The following MLYCD variants were observed in gnomAD, a reference collection of about 807,000 sequenced individuals.
MLYCD encodes malonyl-CoA decarboxylase.
In MLYCD, 27 loss-of-function variants were observed where a neutral mutation model predicts 35.8. The ratio of observed to expected loss-of-function variants is 0.75; its 90% CI spans 0.56 to 1.04. MLYCD has a LOEUF of 1.04. Ranked by LOEUF, MLYCD falls within the 50% of genes least tolerant of loss-of-function variation. MLYCD has a pLI of 0.00. For missense variants in MLYCD, 917 were observed against 665.1 expected (o/e 1.38, Z -4.17); for synonymous variants, 403 against 302.4 (o/e 1.33, Z -3.45).
Position 83,918,896 on chromosome 16 carries a change from G to A in MLYCD, c.*3407G>A, listed in dbSNP as rs571479195. ...GTGCACAGGAGAACACTGCACAGGA[G>A]AACCACACTGCACAGGAGAATATGC... On this transcript the variant is annotated 3_prime_UTR_variant, in exon 5 of 5. Coordinates refer to ENST00000262430, the MANE Select transcript of MLYCD (RefSeq NM_012213.3). 6.9e-6 allele frequency: 1 copy of A among 144,114 alleles called. No individual in the cohort carries two copies. Among genetic ancestry groups the A allele is most frequent in the Non-Finnish European group, 1.5e-5 (1 of 66,986 alleles). The allele number at this position is 144,114 out of a possible 1,614,324, so 8.9% of individuals were successfully genotyped here.
intron 1 of MLYCD, among the ~76,000 whole-genome samples, chr16:83,900,787 T>C (rs895634809): frequency 1.3e-5 from 2 of 152,108 alleles, no homozygotes; most frequent in Non-Finnish European, 2.9e-5. Flanking sequence ...CTAATACTGG[T>C]TTAATAGTTT....
In MLYCD at chr16:83,899,380, C is replaced by T. The variant is rs1454350008; in HGVS notation, c.236C>T (p.Ala79Val). Residue 79 changes from alanine (A) to valine (V), a missense_variant, in exon 1 of 5, where the codon GCC (alanine) becomes GTC (valine). Coordinates refer to ENST00000262430, the MANE Select transcript of MLYCD (RefSeq NM_012213.3). The stretch of plus-strand genomic sequence containing the variant: ...TTCGTGAGCTTCTACGGTGGGCTGG[C>T]CGAGACGGCCCAGCGGGCCGAACTG... ...ADFVSFYGGLAETAQRAELLG... is the reference protein window; with the variant it reads ...ADFVSFYGGLVETAQRAELLG... 2.6e-6 allele frequency: 4 copies of T among 1,526,722 alleles called. No homozygotes were observed. The highest frequency in any genetic ancestry group is 3.5e-6 in the Non-Finnish European group (4 of 1,146,130). 94.6% of individuals were successfully genotyped at this position (1,526,722 alleles called of 1,614,324 possible). A position where few individuals can be genotyped will look rare whatever the true frequency, so the allele number is the denominator to read the frequency against.
Position 83,916,021 on chromosome 16 carries a change from G to T in MLYCD, c.*532G>T. ...TCTGAAGCTCATAAATGTATGAGAA[G>T]GTTTGTGATTTTGCACAAGGTGTGT... is the stretch of plus-strand genomic sequence containing the variant. On this transcript the variant is annotated 3_prime_UTR_variant, in exon 5 of 5. Coordinates refer to ENST00000262430, the MANE Select transcript of MLYCD (RefSeq NM_012213.3). The T allele has an allele frequency of 9.9e-7, 1 of 1,005,054 alleles. No homozygotes were observed. The highest frequency in any genetic ancestry group is 1.2e-6 in the Non-Finnish European group (1 of 839,972). 62.3% of individuals were successfully genotyped at this position (1,005,054 alleles called of 1,614,324 possible).
Position 83,917,799 on chromosome 16 carries a change from C to A in MLYCD, c.*2310C>A, listed in dbSNP as rs188746493. 1 of 152,404 alleles carries A rather than the reference C, an allele frequency of 6.6e-6. No homozygotes were observed. The highest frequency in any genetic ancestry group is 2.4e-5 in the African/African-American group (1 of 41,576). The allele number at this position is 152,404 out of a possible 1,614,324, so 9.4% of individuals were successfully genotyped here. On this transcript the variant is annotated 3_prime_UTR_variant, in exon 5 of 5. Transcript: ENST00000262430. Reference sequence around the variant, plus strand: ...AGTCTTCTGTGCTTTATCCTGCTGCCTCCAGAGTGCCATGGACAGATCACC... The same window carrying A: ...AGTCTTCTGTGCTTTATCCTGCTGCATCCAGAGTGCCATGGACAGATCACC...
At chr16:83,906,471 T>C (rs1906979256) in intron 1 of MLYCD, among the ~76,000 whole-genome samples, 1 of 152,222 alleles carries the variant, frequency 6.6e-6, no homozygotes. Flanking sequence ...TGTTAAAATA[T>C]GAAAATGTAC....
intron 4 of MLYCD, 32 bp downstream of exon 4, chr16:83,912,399 T>C: frequency 1.2e-6 from 2 of 1,613,708 alleles, no homozygotes; most frequent in East Asian, 2.2e-5. Context: ...CCGGTCACGC[T>C]TGGCTTCCGT....
intron 1 of MLYCD, among the ~76,000 whole-genome samples, chr16:83,902,504 ATT>A (rs67006643): frequency 0.047 from 6,038 of 127,478 alleles, 259 homozygotes; most frequent in African/African-American, 0.13. Context: ...TTTTAATCTG[ATT>A]TTTTTTTTTT....
In MLYCD at chr16:83,926,129, G is replaced by A. The variant is rs1338117766; in HGVS notation, c.*10640G>A. The A allele has an allele frequency of 1.3e-5, 2 of 152,352 alleles. No individual in the cohort carries two copies. The highest frequency in any genetic ancestry group is 2.9e-5 in the Non-Finnish European group (2 of 68,142). 9.4% of individuals were successfully genotyped at this position (152,352 alleles called of 1,614,324 possible). On this transcript the variant is annotated 3_prime_UTR_variant, in exon 5 of 5. Transcript: ENST00000262430. The stretch of plus-strand genomic sequence containing the variant: ...GGGTTCCACAGCCCCTTAAAGGCAG[G>A]GTCTTTCTGGCCACGCCTGGCCCTG...
intron 3 of MLYCD, among the ~76,000 whole-genome samples, chr16:83,911,433 C>G (rs1353155285): frequency 1.3e-5 from 2 of 152,196 alleles, no homozygotes; most frequent in Non-Finnish European, 2.9e-5. Context: ...GCTGGTTTCC[C>G]TGCTTCAAAG....
In MLYCD at chr16:83,915,901, T is replaced by G; in HGVS notation, c.*412T>G. ...CCAGATAAGAATAGGTGTTCCTTTG[T>G]GCTCATAAAACAGAATGCGGCGATG... On this transcript the variant is annotated 3_prime_UTR_variant, in exon 5 of 5. Transcript: ENST00000262430. 1.8e-6 allele frequency: 2 copies of G among 1,115,468 alleles called. No individual in the cohort carries two copies. The highest frequency in any genetic ancestry group is 2.4e-5 in the South Asian group (1 of 40,948). The allele number at this position is 1,115,468 out of a possible 1,614,324, so 69.1% of individuals were successfully genotyped here. A position where few individuals can be genotyped will look rare whatever the true frequency, so the allele number is the denominator to read the frequency against.
In MLYCD at chr16:83,908,207, T is replaced by G; in HGVS notation, c.723T>G (p.Ser241=). The G allele has an allele frequency of 6.2e-7, 1 of 1,614,246 alleles. No individual in the cohort carries two copies. The highest frequency in any genetic ancestry group is 8.5e-7 in the Non-Finnish European group (1 of 1,180,036). Residue 241 remains serine, a synonymous_variant, in exon 3 of 5, where the codon TCT becomes TCG. Transcript: ENST00000262430. ...VGPYRRCYFF[S]HCSTPGEPLV... ...CCTACAGAAGGTGTTACTTCTTTTC[T>G]CACTGTTCGACCCCTGGGGAGCCCC...
chr16:83,912,427 C>T (rs1346146030), intron 4 of MLYCD, 60 bp downstream of exon 4: 2 of 1,606,452 alleles, frequency 1.2e-6, no homozygotes, highest in African/African-American at 2.7e-5. Flanking sequence ...GGTCAGCGAA[C>T]CTCGTGGGGT....
At chr16:83,900,957 C>G (rs1906763906) in intron 1 of MLYCD, among the ~76,000 whole-genome samples, 2 of 152,306 alleles carry the variant, frequency 1.3e-5, no homozygotes, top group South Asian at 2.1e-4. Context: ...ATATCACTGT[C>G]TTACCGTTAA....
At chr16:83,900,988 T>G (rs1906765065) in intron 1 of MLYCD, among the ~76,000 whole-genome samples, 1 of 152,204 alleles carries the variant, frequency 6.6e-6, no homozygotes, top group Admixed American at 6.5e-5. Context: ...ATTAGAAACT[T>G]TCTTTTTTGG....
In MLYCD at chr16:83,918,395, C is replaced by T. The variant is rs1285417450; in HGVS notation, c.*2906C>T. ...CATGTTGCACAGGAGAATTCACACA[C>T]AGTGCACAGGAGAACACACAGTGCA... is the stretch of plus-strand genomic sequence containing the variant. On this transcript the variant is annotated 3_prime_UTR_variant, in exon 5 of 5. Transcript: ENST00000262430. 2 of 141,104 alleles carry T rather than the reference C, an allele frequency of 1.4e-5. No homozygotes were observed. Among genetic ancestry groups the T allele is most frequent in the Non-Finnish European group, 3.0e-5 (2 of 66,166 alleles). The allele number at this position is 141,104 out of a possible 1,614,324, so 8.7% of individuals were successfully genotyped here.
chr16:83,906,558 G>C (rs1156983231), intron 1 of MLYCD, among the ~76,000 whole-genome samples: 1 of 152,206 alleles, frequency 6.6e-6, no homozygotes, highest in African/African-American at 2.4e-5. Flanking sequence ...ATGTTTTGAC[G>C]TATCAAAGAA....
chr16:83,917,709 C>T lies in MLYCD; in HGVS notation c.*2220C>T, dbSNP rs2151061457. 6.6e-6 allele frequency: 1 copy of T among 152,372 alleles called. No homozygotes were observed. Among genetic ancestry groups the T allele is most frequent in the South Asian group, 2.1e-4 (1 of 4,832 alleles). 9.4% of individuals were successfully genotyped at this position (152,372 alleles called of 1,614,324 possible). ...CCGTAAGCGTCCCCAGACCCTCAGGCCTGCGGAAACCTGCTGGGCCTTACC... is the reference window on the plus strand; with the variant it reads ...CCGTAAGCGTCCCCAGACCCTCAGGTCTGCGGAAACCTGCTGGGCCTTACC... On this transcript the variant is annotated 3_prime_UTR_variant, in exon 5 of 5. Coordinates refer to ENST00000262430, the MANE Select transcript of MLYCD (RefSeq NM_012213.3).
At chr16:83,912,767 C>G (rs1024122879) in intron 4 of MLYCD, 1 of 328,438 alleles carries the variant, frequency 3.0e-6, no homozygotes, top group Non-Finnish European at 6.0e-6. Context: ...TGTCCTCCCC[C>G]TGCCCCTGCC....
At position 83,899,577 on chromosome 16, in the gene MLYCD, A is replaced by T; in HGVS notation, c.433A>T (p.Ser145Cys). Residue 145 changes from serine (S) to cysteine (C), a missense_variant, in exon 1 of 5, where the codon AGC becomes TGC. Coordinates refer to ENST00000262430, the MANE Select transcript of MLYCD (RefSeq NM_012213.3). ...PRYRGLFHHI[S>C]KLDGGVRFLV... Reference sequence around the variant, plus strand: ...CTATCGCGGCCTCTTCCACCACATCAGCAAGCTGGACGGCGGCGTGCGCTT... The same window carrying T: ...CTATCGCGGCCTCTTCCACCACATCTGCAAGCTGGACGGCGGCGTGCGCTT... 1 of 1,592,826 alleles carries T rather than the reference A, an allele frequency of 6.3e-7. No homozygotes were observed.
Sources: gnomAD v4.1 joint callset for allele counts (sites outside exome capture counted in the v4.1 genomes callset) on GRCh38, gnomAD v4.1.1 for gene constraint, MANE v1.5 for transcripts, NCBI Gene and HGNC (gene_info 2026-07-23, HGNC 2026-07-21) for gene names.